HRH1: variants seen among roughly 807,000 people sequenced by gnomAD.
The protein encoded by HRH1 is histamine H1 receptor.
A neutral mutation model predicts 10.3 loss-of-function variants in HRH1; 6 were observed. The observed-to-expected ratio is 0.58, with a 90% CI of 0.32 to 1.15. The LOEUF (loss-of-function observed/expected upper bound fraction) is 1.15. Among genes scored for constraint, HRH1 ranks in the 50% most tolerant of loss-of-function variants. The probability of loss-of-function intolerance (pLI) is 0.05; values close to 1 mark genes in which losing one functional copy is unlikely to be tolerated. For synonymous variants in HRH1, 242 were observed against 236.7 expected, an observed-to-expected ratio of 1.02 and a Z score of -0.21; for missense variants, 514 against 615.3, an observed-to-expected ratio of 0.84 and a Z score of 1.74.
chr3:11,158,658 A>G (rs940094005), intron 1 of HRH1, among the ~76,000 whole-genome samples: 4 of 152,118 alleles, frequency 2.6e-5, no homozygotes, highest in Non-Finnish European at 4.4e-5. Flanking sequence ...CTTTTGTTAT[A>G]TATATTTCTA....
chr3:11,195,119 C>T (rs762608516), intron 1 of HRH1, among the ~76,000 whole-genome samples: 15 of 152,216 alleles, frequency 9.9e-5, no homozygotes, highest in Non-Finnish European at 1.9e-4. Flanking sequence ...CACATCCAGC[C>T]GAAACCTTTG....
intron 1 of HRH1, among the ~76,000 whole-genome samples, chr3:11,238,778 T>C (rs754727675): frequency 1.5e-4 from 23 of 152,248 alleles, no homozygotes; most frequent in Non-Finnish European, 2.6e-4. Context: ...AATGGAATCA[T>C]TCAATGTGTT....
In HRH1 at chr3:11,225,467, C is replaced by T. The variant is rs541603011; in HGVS notation, c.-35-33536C>T. On this transcript the variant is annotated intron_variant, in intron 1 of 1. Coordinates refer to ENST00000431010, the MANE Select transcript of HRH1 (RefSeq NM_001098212.2). The stretch of plus-strand genomic sequence containing the variant: ...ATCTGGCAGGCACTCCAGGTAGCCC[C>T]GAGGGATGATCAGGGAAGAGGAGAC... 8.5e-5 allele frequency among the ~76,000 whole-genome samples: 13 copies of T among 152,184 alleles called. No homozygotes were observed. The East Asian group carries it at 1.9e-3, about 23-fold the overall frequency.
At chr3:11,256,689 C>T (rs1276060977) in intron 1 of HRH1, among the ~76,000 whole-genome samples, 1 of 151,732 alleles carries the variant, frequency 6.6e-6, no homozygotes, top group African/African-American at 2.4e-5. Flanking sequence ...ATCCCAGCTA[C>T]TCAGGAGGCT....
chr3:11,228,020 TTTAA>T (rs1306678611), intron 1 of HRH1, among the ~76,000 whole-genome samples: 1 of 152,218 alleles, frequency 6.6e-6, no homozygotes, highest in African/African-American at 2.4e-5. Flanking sequence ...CACATTATTG[TTTAA>T]TTAATAGTTC....
At chr3:11,227,713 T>G (rs1264190914) in intron 1 of HRH1, among the ~76,000 whole-genome samples, 1 of 152,200 alleles carries the variant, frequency 6.6e-6, no homozygotes, top group African/African-American at 2.4e-5. Context: ...AAGACCACTT[T>G]CTTTGTGGTT....
rs1262631286 is a variant in HRH1 at position 11,140,144 on chromosome 3, AGCTGTTCTTAGCTGCCCT to A, written c.-36+2748_-36+2765del. Among the ~76,000 whole-genome samples the A allele has an allele frequency of 2.0e-5, 3 of 152,188 alleles. No individual in the cohort carries two copies. In the East Asian group the frequency reaches 5.8e-4, roughly 29 times the overall value. On this transcript the variant is annotated intron_variant, in intron 1 of 1. Coordinates refer to the HRH1 transcript ENST00000438284. ...CCCATGTACAGTGAACGACCCGCGC[AGCTGTTCTTAGCTGCCCT>A]GCGATGGGACATAAAAGCTTCTGCC...
At chr3:11,161,224 G>A (rs1205683706) in intron 1 of HRH1, among the ~76,000 whole-genome samples, 1 of 152,232 alleles carries the variant, frequency 6.6e-6, no homozygotes, top group Admixed American at 6.5e-5. Context: ...ATGCTGGTTT[G>A]ATGATTGTTT....
chr3:11,168,220 G>C (rs1181727657), intron 1 of HRH1, among the ~76,000 whole-genome samples: 3 of 152,152 alleles, frequency 2.0e-5, no homozygotes, highest in Admixed American at 2.0e-4. Flanking sequence ...AGGCTAGAGT[G>C]GCAGGGCACA....
chr3:11,212,341 G>T (rs1282425775), intron 1 of HRH1, among the ~76,000 whole-genome samples: 2 of 152,172 alleles, frequency 1.3e-5, no homozygotes, highest in African/African-American at 4.8e-5. Context: ...TTCTTTTCCA[G>T]TCTGGGCACA....
At chr3:11,219,540 C>CA (rs1938627806) in intron 1 of HRH1, among the ~76,000 whole-genome samples, 1 of 151,910 alleles carries the variant, frequency 6.6e-6, no homozygotes, top group Non-Finnish European at 1.5e-5. Context: ...AGTGAAACCC[C>CA]CGTCTCTACT....
At chr3:11,142,942 G>C (rs777584618) in intron 1 of HRH1, among the ~76,000 whole-genome samples, 4 of 151,964 alleles carry the variant, frequency 2.6e-5, no homozygotes, top group African/African-American at 4.8e-5. Flanking sequence ...GAATGATGAT[G>C]AGGTGTCCGT....
intron 1 of HRH1, among the ~76,000 whole-genome samples, chr3:11,214,453 T>C (rs1938427121): frequency 6.6e-6 from 1 of 152,122 alleles, no homozygotes; most frequent in Non-Finnish European, 1.5e-5. Flanking sequence ...CAGTCGGTAA[T>C]GGTGGGATTT....
At chr3:11,180,128 A>C (rs1393156543) in intron 1 of HRH1, among the ~76,000 whole-genome samples, 2 of 152,178 alleles carry the variant, frequency 1.3e-5, no homozygotes, top group East Asian at 3.9e-4. Flanking sequence ...ACCTGTCTAA[A>C]CTGAATTTGG....
At chr3:11,153,242 T>C (rs1008857149), upstream of HRH1, among the ~76,000 whole-genome samples, 1 of 152,172 alleles carries the variant, frequency 6.6e-6, no homozygotes, top group Non-Finnish European at 1.5e-5. Flanking sequence ...AGTTCCTACC[T>C]ACTAGGACCT....
At chr3:11,237,735 G>A (rs1181371078) in intron 1 of HRH1, among the ~76,000 whole-genome samples, 2 of 131,326 alleles carry the variant, frequency 1.5e-5, no homozygotes, top group Non-Finnish European at 3.1e-5. Flanking sequence ...GAGTGCAGTG[G>A]CGTGATCTCA....
rs539802998 is a variant in HRH1 at position 11,239,624 on chromosome 3, G to A, written c.-35-19379G>A. Among the ~76,000 whole-genome samples, 22 of 152,180 alleles carry A rather than the reference G, an allele frequency of 1.4e-4. No individual in the cohort carries two copies. The South Asian group carries it at 4.4e-3, about 30-fold the overall frequency. On this transcript the variant is annotated intron_variant, in intron 1 of 1. Transcript: ENST00000431010. Reference sequence around the variant, plus strand: ...CACAAAAATTTAGCTCATACATTTAGGACTATCATCAATTATGAGTAATTT... The same window carrying A: ...CACAAAAATTTAGCTCATACATTTAAGACTATCATCAATTATGAGTAATTT...
At chr3:11,161,664 TG>T (rs1232523332) in intron 1 of HRH1, among the ~76,000 whole-genome samples, 15 of 152,230 alleles carry the variant, frequency 9.9e-5, no homozygotes, top group Non-Finnish European at 1.3e-4. Context: ...AACCTTTGAA[TG>T]GAACGGCTTT....
intron 1 of HRH1, among the ~76,000 whole-genome samples, chr3:11,223,090 C>G (rs1575025065): frequency 7.0e-6 from 1 of 141,966 alleles, no homozygotes; most frequent in Non-Finnish European, 1.5e-5. Context: ...GAAGCTGCGG[C>G]AGGAGAATCG....
Sources: gnomAD v4.1 joint callset for allele counts (sites outside exome capture counted in the v4.1 genomes callset) on GRCh38, gnomAD v4.1.1 for gene constraint, MANE v1.5 for transcripts, NCBI Gene and HGNC (gene_info 2026-07-23, HGNC 2026-07-21) for gene names.